PTPRU: variants seen among roughly 807,000 people sequenced by gnomAD.
The protein encoded by PTPRU is protein tyrosine phosphatase receptor type U.
PTPRU carries 69 observed loss-of-function variants against 166.3 expected under a neutral mutation model. The ratio of observed to expected loss-of-function variants is 0.41; its 90% CI spans 0.34 to 0.51. The LOEUF is 0.51. Ranked by LOEUF, PTPRU falls within the 20% of genes least tolerant of loss-of-function variation. The pLI is 0.09. For synonymous variants in PTPRU, 793 were observed against 814.0 expected, an observed-to-expected ratio of 0.97 and a Z score of 0.44; for missense variants, 1,657 against 2,013.7, an observed-to-expected ratio of 0.82 and a Z score of 3.39.
chr1:29,239,261 G>C (rs1683928601), intron 1 of PTPRU, among the ~76,000 whole-genome samples: 1 of 152,226 alleles, frequency 6.6e-6, no homozygotes, highest in African/African-American at 2.4e-5. Context: ...TGGCTCCGGA[G>C]CTTCCGGGTA....
At position 29,258,505 on chromosome 1, in the gene PTPRU, G is replaced by T. The variant is rs1231340538; in HGVS notation, c.206G>T (p.Gly69Val). The T allele has an allele frequency of 6.2e-7, 1 of 1,612,874 alleles. No individual in the cohort carries two copies. The highest frequency in any genetic ancestry group is 1.7e-5 in the Admixed American group (1 of 59,932). ...GTRAPADLPH[G>V]SYLMVNTSQH... is the part of the protein sequence containing the mutation. ...CTGCCTCTTCCTCCTCTCTTTCCAG[G>T]CTCCTACTTGATGGTCAACACTTCC... Residue 69 changes from glycine to valine, a missense_variant and splice_region_variant, in exon 3 of 30, where the codon GGC becomes GTC. Physicochemically the swap from Gly to Val is moderately radical, Grantham distance 109. Coordinates refer to ENST00000373779, the MANE Select transcript of PTPRU (RefSeq NM_133178.4).
chr1:29,271,319 A>G lies in PTPRU; in HGVS notation c.1145-4129A>G, dbSNP rs1349409522. ...GGTTTTTAGAAACGTGGAGAAACTC[A>G]TGGATTCACACCCCTCAATCAACAT... On this transcript the variant is annotated intron_variant, in intron 7 of 29. Coordinates refer to ENST00000373779, the MANE Select transcript of PTPRU (RefSeq NM_133178.4). The surrounding 1 kb of genome is among the most constrained non-coding windows in gnomAD (Gnocchi z 4.4). 1.3e-5 allele frequency among the ~76,000 whole-genome samples: 2 copies of G among 152,314 alleles called. No homozygotes were observed. Among genetic ancestry groups the G allele is most frequent in the African/African-American group, 2.4e-5 (1 of 41,572 alleles).
chr1:29,308,284 CTTT>C (rs567805935), intron 18 of PTPRU, among the ~76,000 whole-genome samples: 2 of 136,150 alleles, frequency 1.5e-5, no homozygotes, highest in Non-Finnish European at 1.6e-5. Flanking sequence ...TAATTTTTTC[CTTT>C]TTTTTTTTTT....
At position 29,279,690 on chromosome 1, in the gene PTPRU, G is replaced by A. The variant is rs1442509086; in HGVS notation, c.1765+33G>A. On this transcript the variant is annotated intron_variant, in intron 10 of 29. Transcript: ENST00000373779. This position sits in a 1 kb window ranked among gnomAD's most constrained non-coding sequence, Gnocchi z 5.2. ...CCACCTGACCCGGCCCAGCCTCTTC[G>A]GAGGTGGCCCAGAATCCCAGGGTTC... is the stretch of plus-strand genomic sequence containing the variant. 9 of 1,600,056 alleles carry A rather than the reference G, an allele frequency of 5.6e-6. No individual in the cohort carries two copies. Among genetic ancestry groups the A allele is most frequent in the South Asian group, 1.1e-5 (1 of 90,890 alleles).
chr1:29,289,832 T>G (rs954637129), intron 14 of PTPRU: 1 of 1,146,430 alleles, frequency 8.7e-7, no homozygotes, highest in African/African-American at 1.5e-5. Context: ...GTCCACCCGG[T>G]TCTCTCTGGT....
chr1:29,300,942 G>A (rs1309511403), intron 15 of PTPRU, among the ~76,000 whole-genome samples: 6 of 152,154 alleles, frequency 3.9e-5, no homozygotes, highest in Admixed American at 6.5e-5. Context: ...GGTTCTTGCC[G>A]GGAGGGTCAT....
At chr1:29,259,614 T>G (rs747906308) in intron 5 of PTPRU, 50 bp downstream of exon 5, 1 of 1,456,260 alleles carries the variant, frequency 6.9e-7, no homozygotes, top group East Asian at 2.3e-5. Context: ...AGGGGGTTGG[T>G]GGCTGCTTCT....
chr1:29,272,906 CAAAAA>C (rs57076551), intron 7 of PTPRU, among the ~76,000 whole-genome samples: 3 of 54,662 alleles, frequency 5.5e-5, no homozygotes, highest in African/African-American at 1.4e-4. Flanking sequence ...GACCTTGTCT[CAAAAA>C]AAAAAAAAAA....
chr1:29,282,739 G>C lies in PTPRU; in HGVS notation c.1932G>C (p.Gln644His), dbSNP rs1458259120. Reference protein sequence around the residue: ...ARRLRREPGGQDCFPVPLTFE... With the variant: ...ARRLRREPGGHDCFPVPLTFE... ...GGCTGCGGCGGGAGCCAGGTGGACAGGACTGCTTCCCAGTGCCATTGACCT... is the reference window on the plus strand; with the variant it reads ...GGCTGCGGCGGGAGCCAGGTGGACACGACTGCTTCCCAGTGCCATTGACCT... Residue 644 changes from glutamine to histidine, a missense_variant, in exon 12 of 30, where the codon CAG becomes CAC. Physicochemically the swap from Gln to His is conservative, Grantham distance 24. Coordinates refer to ENST00000373779, the MANE Select transcript of PTPRU (RefSeq NM_133178.4). 6.2e-7 allele frequency: 1 copy of C among 1,613,918 alleles called. No individual in the cohort carries two copies. Among genetic ancestry groups the C allele is most frequent in the Admixed American group, 1.7e-5 (1 of 60,022 alleles).
At position 29,320,930 on chromosome 1, in the gene PTPRU, C is replaced by T; in HGVS notation, c.3828+105C>T. ...AAAAGTTGGGTCCCAGCTCTGCCAT[C>T]TATTTATTGTGTGATGAATCATACA... On this transcript the variant is annotated intron_variant, in intron 26 of 29. Transcript: ENST00000373779. The surrounding 1 kb of genome is among the most constrained non-coding windows in gnomAD (Gnocchi z 5.2). 1 of 1,295,156 alleles carries T rather than the reference C, an allele frequency of 7.7e-7. No individual in the cohort carries two copies. The highest frequency in any genetic ancestry group is 1.0e-6 in the Non-Finnish European group (1 of 968,248). 80.2% of individuals were successfully genotyped at this position (1,295,156 alleles called of 1,614,324 possible). A position where few individuals can be genotyped will look rare whatever the true frequency, so the allele number is the denominator to read the frequency against.
At chr1:29,313,526 C>T (rs990045300) in intron 22 of PTPRU, among the ~76,000 whole-genome samples, 2 of 152,132 alleles carry the variant, frequency 1.3e-5, no homozygotes, top group Non-Finnish European at 2.9e-5. Context: ...ATAAACTGAG[C>T]ACACTTGTGA....
At chr1:29,248,871 C>T (rs1181539626) in intron 1 of PTPRU, among the ~76,000 whole-genome samples, 3 of 152,172 alleles carry the variant, frequency 2.0e-5, no homozygotes, top group Non-Finnish European at 4.4e-5. Flanking sequence ...CCCGGGAGAC[C>T]TCCCCTTTCC....
intron 14 of PTPRU, among the ~76,000 whole-genome samples, chr1:29,287,008 T>A (rs1379530018): frequency 6.6e-6 from 1 of 152,126 alleles, no homozygotes; most frequent in East Asian, 1.9e-4. Context: ...GTGGGTATCA[T>A]GGGATGCAGC....
chr1:29,271,672 T>A lies in PTPRU; in HGVS notation c.1145-3776T>A, dbSNP rs1685561196. ...TGGGAGGATCTGGCAACTCTGAACC[T>A]GTAGTCCTGCCTGGCAACAGTCATC... is the stretch of plus-strand genomic sequence containing the variant. On this transcript the variant is annotated intron_variant, in intron 7 of 29. Coordinates refer to ENST00000373779, the MANE Select transcript of PTPRU (RefSeq NM_133178.4). This position sits in a 1 kb window ranked among gnomAD's most constrained non-coding sequence, Gnocchi z 4.4. Among the ~76,000 whole-genome samples, 1 of 152,228 alleles carries A rather than the reference T, an allele frequency of 6.6e-6. No individual in the cohort carries two copies.
At chr1:29,284,005 C>G (rs377319108) in intron 13 of PTPRU, 29 bp downstream of exon 13, 15 of 1,612,648 alleles carry the variant, frequency 9.3e-6, no homozygotes, top group African/African-American at 1.3e-5. Flanking sequence ...TGCAGCCTTT[C>G]AGCGGCAGGT....
rs1285761199 is a variant in PTPRU at position 29,296,722 on chromosome 1, A to AT, written c.2476+4697dup. Among the ~76,000 whole-genome samples the AT allele has an allele frequency of 5.5e-5, 8 of 146,358 alleles. No individual in the cohort carries two copies. The Admixed American group carries it at 5.5e-4, about 10-fold the overall frequency. The stretch of plus-strand genomic sequence containing the variant: ...TTTTTTGTAGAGACAGGGTTTTGTC[A>AT]TGTTGTCCAGGTTGGTCTTGAACCC... On this transcript the variant is annotated intron_variant, in intron 15 of 29. Coordinates refer to ENST00000373779, the MANE Select transcript of PTPRU (RefSeq NM_133178.4).
intron 15 of PTPRU, among the ~76,000 whole-genome samples, chr1:29,297,770 A>C (rs1376125839): frequency 6.6e-6 from 1 of 152,188 alleles, no homozygotes; most frequent in Admixed American, 6.5e-5. Context: ...TTCACTGATG[A>C]GTTGGGGAGT....
At chr1:29,285,013 A>C in intron 14 of PTPRU, 144 bp downstream of exon 14, 2 of 1,164,534 alleles carry the variant, frequency 1.7e-6, no homozygotes, top group Non-Finnish European at 2.4e-6. Context: ...GCCTCTACAG[A>C]TGGATCTGAG....
chr1:29,291,389 C>T lies in PTPRU; in HGVS notation c.2319-480C>T, dbSNP rs1217677876. 6.7e-6 allele frequency among the ~76,000 whole-genome samples: 1 copy of T among 149,862 alleles called. No homozygotes were observed. The highest frequency in any genetic ancestry group is 1.9e-4 in the East Asian group (1 of 5,152). On this transcript the variant is annotated intron_variant, in intron 14 of 29. Transcript: ENST00000373779. This position sits in a 1 kb window ranked among gnomAD's most constrained non-coding sequence, Gnocchi z 4.1. ...GAAGGAGGGGTGTAGTCCCTCCTTC[C>T]TGCAGGAGAAGGAGGAGTCTGGAGA...
Sources: allele counts gnomAD v4.1 joint callset (sites outside exome capture counted in the v4.1 genomes callset), GRCh38; gene constraint gnomAD v4.1.1; non-coding constraint Gnocchi (gnomAD v3.1); transcripts MANE v1.5; gene names NCBI Gene and HGNC (gene_info 2026-07-23, HGNC 2026-07-21).